Variants in LIMK2 observed in about 807,000 individuals in gnomAD.
LIMK2 encodes the protein LIM domain kinase 2.
In LIMK2, 35 loss-of-function variants were observed where a neutral mutation model predicts 75.7. That is an observed-to-expected ratio of 0.46 (90% confidence interval 0.35 to 0.61). The LOEUF is 0.61. Among genes scored for constraint, LIMK2 ranks in the 20% least tolerant of loss-of-function variants. The pLI is 0.00. For missense variants in LIMK2, 623 were observed against 831.0 expected (o/e 0.75, Z 3.08); for synonymous variants, 301 against 319.2 (o/e 0.94, Z 0.61).
chr22:31,273,356 C>T, intron 13 of LIMK2, 96 bp from the exon 14 acceptor site: 3 of 1,107,388 alleles, frequency 2.7e-6, no homozygotes, highest in East Asian at 4.8e-5. Context: ...CCTGTTCTAG[C>T]CCTAGTTCTT....
At chr22:31,249,041 A>T (rs1284619435) in intron 2 of LIMK2, among the ~76,000 whole-genome samples, 1 of 152,150 alleles carries the variant, frequency 6.6e-6, no homozygotes, top group African/African-American at 2.4e-5. Context: ...CCTCCAAAAG[A>T]TGCCACTGAC....
chr22:31,272,924 C>G, intron 13 of LIMK2: 2 of 1,302,512 alleles, frequency 1.5e-6, no homozygotes, highest in Non-Finnish European at 2.0e-6. Flanking sequence ...AAGGTGAGTT[C>G]TGACTGTGGC....
intron 2 of LIMK2, among the ~76,000 whole-genome samples, chr22:31,252,295 C>T (rs1280678461): frequency 6.6e-6 from 1 of 152,110 alleles, no homozygotes; most frequent in East Asian, 1.9e-4. Flanking sequence ...GTAATCCCAG[C>T]ACTTTGGGAG....
intron 11 of LIMK2, among the ~76,000 whole-genome samples, chr22:31,269,605 T>C (rs1469591149): frequency 6.6e-6 from 1 of 151,674 alleles, no homozygotes; most frequent in Non-Finnish European, 1.5e-5. Context: ...CTGTTTCTAC[T>C]AAAGAAAAAA....
chr22:31,244,671 G>T (rs907577284), intron 2 of LIMK2, among the ~76,000 whole-genome samples: 4 of 152,296 alleles, frequency 2.6e-5, no homozygotes, highest in African/African-American at 4.8e-5. Flanking sequence ...ACCTAACCAA[G>T]GCCCAGACAG....
Position 31,262,390 on chromosome 22 carries a change from A to G in LIMK2, c.657+151A>G. On this transcript the variant is annotated intron_variant, in intron 6 of 15. Coordinates refer to ENST00000331728, the MANE Select transcript of LIMK2 (RefSeq NM_005569.4). This position sits in a 1 kb window ranked among gnomAD's most constrained non-coding sequence, Gnocchi z 5.0. ...ACCACTGGTGACCTATTTCAGCGTA[A>G]CAGGTTCCCAGGGTAGCAGGGATGG... 1 of 816,694 alleles carries G rather than the reference A, an allele frequency of 1.2e-6. No individual in the cohort carries two copies. Among genetic ancestry groups the G allele is most frequent in the Non-Finnish European group, 2.0e-6 (1 of 499,470 alleles). 50.6% of individuals were successfully genotyped at this position (816,694 alleles called of 1,614,324 possible).
chr22:31,248,142 C>G (rs116020886), intron 2 of LIMK2, among the ~76,000 whole-genome samples: 3 of 152,018 alleles, frequency 2.0e-5, no homozygotes, highest in African/African-American at 7.3e-5. Context: ...CACACTCTAT[C>G]CTGCCTTGCC....
intron 1 of LIMK2, among the ~76,000 whole-genome samples, chr22:31,217,360 G>A (rs1189635031): frequency 6.6e-6 from 1 of 151,110 alleles, no homozygotes; most frequent in Non-Finnish European, 1.5e-5. Context: ...TTGCACCACC[G>A]CACTCCAGCC....
chr22:31,278,131 A>G (rs916632265), intron 15 of LIMK2, among the ~76,000 whole-genome samples, 166 bp from the exon 16 acceptor site: 4 of 152,160 alleles, frequency 2.6e-5, no homozygotes. Flanking sequence ...TAGCAAATAT[A>G]TGAGGTACCG....
Position 31,262,487 on chromosome 22 carries a change from A to C in LIMK2, c.658-108A>C. Reference sequence around the variant, plus strand: ...AGGCCACTGGCAGCTAAAGGCCACCATTAGACAAGTTGAGCACTGGCCACA... The same window carrying C: ...AGGCCACTGGCAGCTAAAGGCCACCCTTAGACAAGTTGAGCACTGGCCACA... On this transcript the variant is annotated intron_variant, in intron 6 of 15. Coordinates refer to ENST00000331728, the MANE Select transcript of LIMK2 (RefSeq NM_005569.4). The surrounding 1 kb of genome is among the most constrained non-coding windows in gnomAD (Gnocchi z 5.0). 1.8e-6 allele frequency: 2 copies of C among 1,124,222 alleles called. No individual in the cohort carries two copies. The highest frequency in any genetic ancestry group is 4.2e-5 in the Admixed American group (2 of 47,534). The allele number at this position is 1,124,222 out of a possible 1,614,324, so 69.6% of individuals were successfully genotyped here. A position where few individuals can be genotyped will look rare whatever the true frequency, so the allele number is the denominator to read the frequency against.
intron 2 of LIMK2, among the ~76,000 whole-genome samples, chr22:31,254,155 G>T (rs1197601446): frequency 6.6e-6 from 1 of 152,226 alleles, no homozygotes; most frequent in Non-Finnish European, 1.5e-5. Flanking sequence ...TCTCCTGCAT[G>T]CCTGTACTTG....
intron 15 of LIMK2, chr22:31,276,953 A>G: frequency 1.2e-6 from 2 of 1,613,910 alleles, no homozygotes; most frequent in Non-Finnish European, 8.5e-7. Flanking sequence ...TACGACTGCC[A>G]GGAAGAGGAG....
intron 2 of LIMK2, among the ~76,000 whole-genome samples, chr22:31,255,388 C>T (rs1156695152): frequency 6.6e-6 from 1 of 152,194 alleles, no homozygotes; most frequent in African/African-American, 2.4e-5. Context: ...CTCTTCATGC[C>T]ATACCCAGCC....
Position 31,277,143 on chromosome 22 carries a change from G to A in LIMK2, c.1773-1154G>A. On this transcript the variant is annotated intron_variant, in intron 15 of 15. Transcript: ENST00000331728. ...TGAGCACACCCCAGAAGAAGTGAGG[G>A]TCCCCGACCCAGGCGAACGGTGGCT... 3 of 1,613,638 alleles carry A rather than the reference G, an allele frequency of 1.9e-6. No homozygotes were observed. In the African/African-American group the frequency reaches 4.0e-5, roughly 22 times the overall value.
intron 2 of LIMK2, among the ~76,000 whole-genome samples, chr22:31,228,286 G>A (rs1363735344): frequency 6.6e-6 from 1 of 152,046 alleles, no homozygotes; most frequent in Non-Finnish European, 1.5e-5. Flanking sequence ...TGGCATGGTG[G>A]CACATGCCTG....
At chr22:31,235,152 T>C (rs893225408) in intron 2 of LIMK2, among the ~76,000 whole-genome samples, 1 of 152,196 alleles carries the variant, frequency 6.6e-6, no homozygotes, top group African/African-American at 2.4e-5. Flanking sequence ...TTTTTGCCCC[T>C]CATTGTGTCA....
At chr22:31,239,566 G>GC (rs1236478151) in intron 2 of LIMK2, among the ~76,000 whole-genome samples, 1 of 152,182 alleles carries the variant, frequency 6.6e-6, no homozygotes, top group Non-Finnish European at 1.5e-5. Context: ...CTGTGGAGGA[G>GC]CCCCCCGCCA....
chr22:31,269,179 C>A (rs916369875), intron 11 of LIMK2, among the ~76,000 whole-genome samples: 1 of 151,802 alleles, frequency 6.6e-6, no homozygotes, highest in Non-Finnish European at 1.5e-5. Flanking sequence ...GATCATGGCT[C>A]ACTACAGCTT....
Position 31,259,107 on chromosome 22 carries a change from C to G in LIMK2, c.253-14C>G. 2.6e-6 allele frequency: 4 copies of G among 1,522,652 alleles called. No homozygotes were observed. The highest frequency in any genetic ancestry group is 3.6e-6 in the Non-Finnish European group (4 of 1,096,878). The allele number at this position is 1,522,652 out of a possible 1,614,324, so 94.3% of individuals were successfully genotyped here. On this transcript the variant is annotated splice_polypyrimidine_tract_variant and intron_variant, in intron 3 of 15. Coordinates refer to ENST00000331728, the MANE Select transcript of LIMK2 (RefSeq NM_005569.4). The stretch of plus-strand genomic sequence containing the variant: ...TTCCTCCCTTTGTACACCCTTCTCC[C>G]CACCTGCTCACAGGTGGCTGGGGAG...
Sources: allele counts gnomAD v4.1 joint callset (sites outside exome capture counted in the v4.1 genomes callset), GRCh38; gene constraint gnomAD v4.1.1; non-coding constraint Gnocchi (gnomAD v3.1); transcripts MANE v1.5; gene names NCBI Gene and HGNC (gene_info 2026-07-23, HGNC 2026-07-21).